The following RGS9 variants were observed in gnomAD, a reference collection of about 807,000 sequenced individuals.
The protein encoded by RGS9 is regulator of G-protein signalling 9.
RGS9 carries 78 observed loss-of-function variants against 102.0 expected under a neutral mutation model. That is an observed-to-expected ratio of 0.76 (90% CI 0.64 to 0.92). The LOEUF (loss-of-function observed/expected upper bound fraction) is 0.92, where lower values mean the gene tolerates loss of function less well. Among genes scored for constraint, RGS9 ranks in the 40% least tolerant of loss-of-function variants. The probability of loss-of-function intolerance (pLI) is 0.00; values close to 1 mark genes in which losing one functional copy is unlikely to be tolerated. For synonymous variants in RGS9, 353 were observed against 318.6 expected (o/e 1.11, Z -1.15); for missense variants, 833 against 866.1 (o/e 0.96, Z 0.48).
rs184785320 is a variant in RGS9 at position 65,210,697 on chromosome 17, G to A, written c.1407+92G>A. ...TCCTGGGGGTGGGGTCATGCACTTGGGAGAGGCAAATGAAGAAGGGTAGGG... is the reference window on the plus strand; with the variant it reads ...TCCTGGGGGTGGGGTCATGCACTTGAGAGAGGCAAATGAAGAAGGGTAGGG... On this transcript the variant is annotated intron_variant, in intron 17 of 18. Transcript: ENST00000262406. 529 of 1,583,830 alleles carry A rather than the reference G, an allele frequency of 3.3e-4. 2 individuals carry two copies. The African/African-American group carries it at 6.7e-3, about 20-fold the overall frequency.
chr17:65,226,202 T>A (rs1905669157), intron 18 of RGS9, among the ~76,000 whole-genome samples: 1 of 152,184 alleles, frequency 6.6e-6, no homozygotes, highest in Admixed American at 6.5e-5. Flanking sequence ...AGAAAACTTG[T>A]GAGCGATGCA....
chr17:65,158,026 A>G (rs1310494745), intron 2 of RGS9, among the ~76,000 whole-genome samples: 1 of 152,158 alleles, frequency 6.6e-6, no homozygotes, highest in Non-Finnish European at 1.5e-5. Flanking sequence ...CAAGAGATGT[A>G]AAGATGAAGC....
rs1427303042 is a variant in RGS9, at chr17:65,160,867, G to A, written c.381G>A (p.Lys127=). 2.5e-6 allele frequency: 4 copies of A among 1,614,122 alleles called. No individual in the cohort carries two copies. The highest frequency in any genetic ancestry group is 1.1e-5 in the South Asian group (1 of 91,088). Residue 127 remains lysine, a synonymous_variant, in exon 6 of 19, where the codon AAG becomes AAA. Coordinates refer to ENST00000262406, the MANE Select transcript of RGS9 (RefSeq NM_003835.4). ...CTTTTCCAGCCATCTATCTGGCCAA[G>A]CGAAATATCAAAAAGAAAGGGATTT... ...EDTDYAIYLA[K]RNIKKKGILE...
intron 9 of RGS9, among the ~76,000 whole-genome samples, chr17:65,183,860 T>C (rs1201819444): frequency 1.3e-5 from 2 of 152,202 alleles, no homozygotes. Context: ...GCCAATTGTC[T>C]GCACCCTCCA....
chr17:65,164,252 G>T (rs1218174179), intron 7 of RGS9, among the ~76,000 whole-genome samples: 1 of 152,296 alleles, frequency 6.6e-6, no homozygotes, highest in East Asian at 1.9e-4. Flanking sequence ...GGACCCATAT[G>T]CAGAAGAAGC....
At chr17:65,181,630 G>T (rs1275166166) in intron 9 of RGS9, among the ~76,000 whole-genome samples, 1 of 152,218 alleles carries the variant, frequency 6.6e-6, no homozygotes, top group African/African-American at 2.4e-5. Context: ...AGGTGATGGG[G>T]GCAGGGGCCG....
intron 16 of RGS9, among the ~76,000 whole-genome samples, chr17:65,209,048 A>G (rs1397437662): frequency 6.6e-6 from 1 of 152,206 alleles, no homozygotes. Flanking sequence ...TAGTTCTGCC[A>G]GAAAGTAATG....
At chr17:65,156,383 G>A (rs1477145899) in intron 2 of RGS9, among the ~76,000 whole-genome samples, 1 of 152,198 alleles carries the variant, frequency 6.6e-6, no homozygotes. Flanking sequence ...CCCTGCACAC[G>A]GGGCACACTT....
intron 1 of RGS9, among the ~76,000 whole-genome samples, chr17:65,143,461 C>T (rs1484665369): frequency 6.6e-6 from 1 of 152,120 alleles, no homozygotes; most frequent in Non-Finnish European, 1.5e-5. Context: ...AGCAACATAT[C>T]AAGACCCATC....
intron 1 of RGS9, among the ~76,000 whole-genome samples, chr17:65,146,503 G>A (rs1377677505): frequency 2.0e-5 from 3 of 150,678 alleles, no homozygotes; most frequent in Admixed American, 6.6e-5. Flanking sequence ...CAGGAGAATC[G>A]CTTGAACCTG....
intron 17 of RGS9, among the ~76,000 whole-genome samples, chr17:65,214,414 C>T (rs1179601649): frequency 6.6e-6 from 1 of 152,198 alleles, no homozygotes; most frequent in East Asian, 1.9e-4. Flanking sequence ...GCAGTCGAGA[C>T]TGGATGATGA....
chr17:65,221,978 G>T (rs1172027788), intron 17 of RGS9, among the ~76,000 whole-genome samples: 3 of 152,154 alleles, frequency 2.0e-5, no homozygotes, highest in African/African-American at 7.3e-5. Flanking sequence ...ATCTTAGACA[G>T]CGCAGCTGGG....
intron 1 of RGS9, among the ~76,000 whole-genome samples, chr17:65,150,365 T>C (rs1448496675): frequency 2.0e-5 from 3 of 152,228 alleles, no homozygotes; most frequent in Non-Finnish European, 4.4e-5. Flanking sequence ...CTTATGCCTG[T>C]AATCCCAGCA....
At chr17:65,167,572 C>A (rs991959725) in intron 7 of RGS9, among the ~76,000 whole-genome samples, 2 of 152,066 alleles carry the variant, frequency 1.3e-5, no homozygotes, top group African/African-American at 2.4e-5. Flanking sequence ...CTTTGCAGTG[C>A]CAGAGTAGAA....
At chr17:65,141,867 C>T (rs1910169859) in intron 1 of RGS9, among the ~76,000 whole-genome samples, 1 of 152,200 alleles carries the variant, frequency 6.6e-6, no homozygotes, top group Admixed American at 6.5e-5. Context: ...TGTGAAGTAG[C>T]ATGGTGGTTT....
chr17:65,227,331 C>T lies in RGS9; in HGVS notation c.1949C>T (p.Ser650Leu), dbSNP rs777153725. 1.2e-5 allele frequency: 19 copies of T among 1,614,000 alleles called. No individual in the cohort carries two copies. The highest frequency in any genetic ancestry group is 2.2e-5 in the South Asian group (2 of 91,086). Residue 650 changes from serine (S) to leucine (L), a missense_variant, in exon 19 of 19, where the codon TCG becomes TTG. Around this residue, in one of 3 missense-constraint regions of RGS9, gnomAD observed 320 missense variants for 276.8 expected, o/e 1.16. Transcript: ENST00000262406. Reference protein sequence around the residue: ...PTGSGTCLMDSEDAGTGESGD... With the variant: ...PTGSGTCLMDLEDAGTGESGD... The stretch of plus-strand genomic sequence containing the variant: ...GGGAGCGGGACCTGCTTGATGGACT[C>T]GGAGGATGCTGGAACAGGAGAGTCG...
At chr17:65,206,472 G>A (rs1288664917) in intron 15 of RGS9, among the ~76,000 whole-genome samples, 1 of 152,216 alleles carries the variant, frequency 6.6e-6, no homozygotes, top group African/African-American at 2.4e-5. Context: ...GAGGTCGGGA[G>A]TTTGAGACCA....
intron 12 of RGS9, among the ~76,000 whole-genome samples, chr17:65,195,345 A>G (rs966643852): frequency 6.6e-6 from 1 of 152,168 alleles, no homozygotes; most frequent in East Asian, 1.9e-4. Context: ...TGTTCTGTGT[A>G]AGAACCGTTG....
In RGS9 at chr17:65,137,418, C is replaced by T; in HGVS notation, c.-123C>T. ...CAGGGGGGCCCGGCCCGCGCCCTCC[C>T]CGCCCAGCCGCCTCCCCGTCGACGC... On this transcript the variant is annotated 5_prime_UTR_variant, in exon 1 of 19. Transcript: ENST00000262406. 1.0e-6 allele frequency: 1 copy of T among 984,878 alleles called. No homozygotes were observed. Among genetic ancestry groups the T allele is most frequent in the Non-Finnish European group, 1.6e-6 (1 of 628,342 alleles). The allele number at this position is 984,878 out of a possible 1,614,324, so 61.0% of individuals were successfully genotyped here.
Sources: gnomAD v4.1 joint callset for allele counts (sites outside exome capture counted in the v4.1 genomes callset) on GRCh38, gnomAD v4.1.1 for gene constraint, gnomAD v4.1.1 regional missense constraint, MANE v1.5 for transcripts, NCBI Gene and HGNC (gene_info 2026-07-23, HGNC 2026-07-21) for gene names.